COL4A6: variants seen among roughly 807,000 people sequenced by gnomAD.
COL4A6 encodes the protein collagen alpha-6(IV) chain.
COL4A6 carries 59 observed loss-of-function variants against 126.7 expected under a neutral mutation model. The observed-to-expected ratio is 0.47, with a 90% CI of 0.38 to 0.58. The LOEUF (loss-of-function observed/expected upper bound fraction) is 0.58, where lower values mean the gene tolerates loss of function less well. Ranked by LOEUF, COL4A6 falls within the 20% of genes least tolerant of loss-of-function variation. The pLI, the probability that COL4A6 is intolerant of heterozygous loss-of-function variation, is 0.00. For missense variants in COL4A6, 1,285 were observed against 1,337.3 expected, an observed-to-expected ratio of 0.96 and a Z score of 0.61; for synonymous variants, 547 against 496.6, an observed-to-expected ratio of 1.10 and a Z score of -1.35.
At chrX:108,160,228 C>G (rs1427738191) in intron 43 of COL4A6, among the ~76,000 whole-genome samples, 1 of 112,432 alleles carries the variant, frequency 8.9e-6, no homozygotes, top group African/African-American at 3.2e-5. Context: ...CTAGAATTAG[C>G]TTTGTTCCAT....
intron 4 of COL4A6, among the ~76,000 whole-genome samples, 153 bp from the exon 5 acceptor site, chrX:108,219,895 G>A (rs781240134): frequency 1.8e-5 from 2 of 110,141 alleles, no homozygotes; most frequent in East Asian, 5.7e-4. Context: ...ACTGCAGTTC[G>A]AAGTGACCAT....
chrX:108,202,929 G>C lies in COL4A6; in HGVS notation c.833C>G (p.Pro278Arg). 2.5e-6 allele frequency: 3 copies of C among 1,207,978 alleles called. No homozygotes were observed. The highest frequency in any genetic ancestry group is 3.4e-6 in the Non-Finnish European group (3 of 892,434). ...FPGISGPPGF[P>R]GLGTTGEKGE... ...TATTGATCAAATAGAGAGACTTACC[G>C]GGAAGCCTGGAGGGCCACTTATGCC... The change falls in exon 13 of 45, where the codon CCG becomes CGG. Residue 278 changes from proline to arginine, a missense_variant and splice_region_variant. Pro to Arg is a moderately radical substitution (Grantham distance 103). Transcript: ENST00000334504.
chrX:108,159,964 G>C (rs970743399), intron 43 of COL4A6: 13 of 480,395 alleles, frequency 2.7e-5, no homozygotes, highest in Non-Finnish European at 4.9e-5. Flanking sequence ...TTTATAAGCT[G>C]TATAATTCTG....
chrX:108,386,229 A>G (rs1323107884), intron 2 of COL4A6, among the ~76,000 whole-genome samples: 1 of 112,015 alleles, frequency 8.9e-6, no homozygotes. Flanking sequence ...CTTTGTGTAT[A>G]TACCCAGCAA....
intron 2 of COL4A6, among the ~76,000 whole-genome samples, chrX:108,349,898 C>T (rs532013180): frequency 7.1e-5 from 8 of 111,904 alleles, no homozygotes; most frequent in African/African-American, 2.6e-4. Context: ...TTGTCTGATG[C>T]ACACACTCCC....
intron 6 of COL4A6, among the ~76,000 whole-genome samples, chrX:108,212,820 GGTTAA>G (rs1385124327): frequency 6.1e-4 from 68 of 111,798 alleles, no homozygotes; most frequent in African/African-American, 2.1e-3. Context: ...TTAGGCTTGA[GGTTAA>G]GTTAAGAGAC....
intron 2 of COL4A6, among the ~76,000 whole-genome samples, chrX:108,397,725 T>C (rs189663779): frequency 1.8e-5 from 2 of 111,199 alleles, no homozygotes; most frequent in Non-Finnish European, 3.8e-5. Context: ...TGATGCTCAT[T>C]TGCAGTTTTT....
chrX:108,214,120 C>G lies in COL4A6; in HGVS notation c.433G>C (p.Gly145Arg). 8.3e-7 allele frequency: 1 copy of G among 1,205,164 alleles called. No individual in the cohort carries two copies. Among genetic ancestry groups the G allele is most frequent in the Non-Finnish European group, 1.1e-6 (1 of 890,660 alleles). Residue 145 changes from glycine (G) to arginine (R), a missense_variant, in exon 6 of 45, where the codon GGA (glycine) becomes CGA (arginine). Coordinates refer to ENST00000334504, the MANE Select transcript of COL4A6 (RefSeq NM_033641.4). ...AATATCTGGCAGCATACGGGTGGTC[C>G]GAGAAGCCCAGGATAGCCATCAGGG... ...PGPDGYPGLL[G>R]PPGLPGQKGS...
Position 108,190,417 on chromosome X carries a change from T to G in COL4A6, c.1401A>C (p.Gly467=). Residue 467 remains glycine, a synonymous_variant, in exon 20 of 45, where the codon GGA becomes GGC. Coordinates refer to ENST00000334504, the MANE Select transcript of COL4A6 (RefSeq NM_033641.4). The part of the protein sequence containing the change: ...PGLRGEQGPK[G]NLGLKGIKGD... ...CTTTTATTCCTTTGAGGCCTAGGTT[T>G]CCTTTTGGACCTTGTTCTCCTCGGA... 1 of 1,206,092 alleles carries G rather than the reference T, an allele frequency of 8.3e-7. No individual in the cohort carries two copies. The highest frequency in any genetic ancestry group is 1.8e-5 in the South Asian group (1 of 56,381).
At chrX:108,242,037 C>G (rs1349863239) in intron 3 of COL4A6, among the ~76,000 whole-genome samples, 1 of 104,534 alleles carries the variant, frequency 9.6e-6, no homozygotes, top group East Asian at 3.0e-4. Flanking sequence ...GTACATTGCC[C>G]AGGCTGGTCT....
At chrX:108,162,670 C>T (rs2033998165) in intron 41 of COL4A6, among the ~76,000 whole-genome samples, 1 of 111,312 alleles carries the variant, frequency 9.0e-6, no homozygotes, top group African/African-American at 3.3e-5. Context: ...GGAGTAGCAA[C>T]CTTGCTCTGC....
At chrX:108,376,397 C>G (rs1460090132) in intron 2 of COL4A6, among the ~76,000 whole-genome samples, 1 of 109,674 alleles carries the variant, frequency 9.1e-6, no homozygotes, top group Non-Finnish European at 1.9e-5. Flanking sequence ...GAATGCAAGA[C>G]CAGCCTGGCC....
intron 3 of COL4A6, among the ~76,000 whole-genome samples, chrX:108,224,967 C>T (rs1169288340): frequency 9.9e-6 from 1 of 101,420 alleles, no homozygotes; most frequent in Admixed American, 1.2e-4. Context: ...AAACCAGTGT[C>T]AGAGAAGTCA....
intron 2 of COL4A6, among the ~76,000 whole-genome samples, chrX:108,368,140 A>T (rs1160623516): frequency 1.8e-5 from 2 of 109,372 alleles, no homozygotes; most frequent in East Asian, 5.7e-4. Context: ...ATGTGTTGTT[A>T]GGCAATTTCA....
intron 2 of COL4A6, among the ~76,000 whole-genome samples, chrX:108,342,033 A>AT (rs1187132201): frequency 8.9e-6 from 1 of 111,941 alleles, no homozygotes; most frequent in Non-Finnish European, 1.9e-5. Context: ...GAAAATGTGG[A>AT]TTTTCAGAAG....
intron 2 of COL4A6, among the ~76,000 whole-genome samples, chrX:108,409,700 G>A (rs2041287962): frequency 8.9e-6 from 1 of 111,985 alleles, no homozygotes; most frequent in South Asian, 3.8e-4. Context: ...TTAAATTTAA[G>A]CCCCTCAAAA....
At chrX:108,373,983 AAAG>A (rs1337015124) in intron 2 of COL4A6, among the ~76,000 whole-genome samples, 1 of 112,284 alleles carries the variant, frequency 8.9e-6, no homozygotes, top group African/African-American at 3.2e-5. Flanking sequence ...TCCTCCCCCA[AAAG>A]AAAATAAAAC....
chrX:108,164,000 C>G (rs897592733), intron 40 of COL4A6, among the ~76,000 whole-genome samples: 1 of 111,740 alleles, frequency 8.9e-6, no homozygotes, highest in East Asian at 2.8e-4. Flanking sequence ...AGGCATCACA[C>G]AGGGCTTTGC....
At chrX:108,362,291 G>A (rs904326077) in intron 2 of COL4A6, among the ~76,000 whole-genome samples, 4 of 112,048 alleles carry the variant, frequency 3.6e-5, no homozygotes, top group African/African-American at 1.3e-4. Context: ...CTTACAATAA[G>A]TTTAACAAAA....
Sources: gnomAD v4.1 joint callset for allele counts (sites outside exome capture counted in the v4.1 genomes callset) on GRCh38, gnomAD v4.1.1 for gene constraint, MANE v1.5 for transcripts, NCBI Gene and HGNC (gene_info 2026-07-23, HGNC 2026-07-21) for gene names.